The following ZSCAN5A variants were observed in gnomAD, a reference collection of about 807,000 sequenced individuals.
ZSCAN5A encodes zinc finger and SCAN domain containing 5A, also known as zinc finger and SCAN domain-containing protein 5A.
In ZSCAN5A, 12 loss-of-function variants were observed where a neutral mutation model predicts 23.7. The ratio of observed to expected loss-of-function variants is 0.51; its 90% CI spans 0.32 to 0.82. The LOEUF (loss-of-function observed/expected upper bound fraction) is 0.82, where lower values mean the gene tolerates loss of function less well. Among genes scored for constraint, ZSCAN5A ranks in the 40% least tolerant of loss-of-function variants. The pLI is 0.03. For missense variants in ZSCAN5A, 597 were observed against 617.9 expected (o/e 0.97, Z 0.36); for synonymous variants, 257 against 239.9 (o/e 1.07, Z -0.66).
Position 56,225,007 on chromosome 19 carries a change from A to T in ZSCAN5A, c.40T>A (p.Ser14Thr). The T allele has an allele frequency of 6.2e-7, 1 of 1,613,330 alleles. No homozygotes were observed. The highest frequency in any genetic ancestry group is 8.5e-7 in the Non-Finnish European group (1 of 1,179,574). Residue 14 changes from serine (S) to threonine (T), a missense_variant, in exon 3 of 6, where the codon TCC (serine) becomes ACC (threonine). Physicochemically the swap from Ser to Thr is moderately conservative, Grantham distance 58. Coordinates refer to ENST00000683990, the MANE Select transcript of ZSCAN5A (RefSeq NM_001322064.3). ...AGCTCCAACCCAGGTCTGTTGCAGG[A>T]TTCTCCTAGACTCCATGAGGATGTG... is the stretch of plus-strand genomic sequence containing the variant. ...NCTSSWSLGESCNRPGLELPR... is the reference protein window; with the variant it reads ...NCTSSWSLGETCNRPGLELPR...
At chr19:56,302,648 T>TC (rs201988390) in intron 2 of ZSCAN5A, among the ~76,000 whole-genome samples, 6 of 120,104 alleles carry the variant, frequency 5.0e-5, no homozygotes, top group South Asian at 3.5e-4. Flanking sequence ...TTCCTTTTCT[T>TC]CCCCCCCTCC....
Position 56,243,344 on chromosome 19 carries a change from G to C in ZSCAN5A, c.-127-18171C>G, listed in dbSNP as rs528298777. ...GCATGTCTTAGTGCCATGAAATTGT[G>C]CACTTCAAGATGGTAAAAATGATGA... is the stretch of plus-strand genomic sequence containing the variant. On this transcript the variant is annotated intron_variant, in intron 2 of 5. Coordinates refer to ENST00000683990, the MANE Select transcript of ZSCAN5A (RefSeq NM_001322064.3). Among the ~76,000 whole-genome samples the C allele has an allele frequency of 9.9e-5, 15 of 152,228 alleles. No individual in the cohort carries two copies. The South Asian group carries it at 2.9e-3, about 29-fold the overall frequency.
At chr19:56,321,229 G>A (rs1600280258) in intron 2 of ZSCAN5A, 1 of 670,918 alleles carries the variant, frequency 1.5e-6, no homozygotes, top group East Asian at 3.1e-5. Context: ...CTTGGATGGT[G>A]TGTAATATCA....
chr19:56,345,835 C>A (rs1226202168), intron 2 of ZSCAN5A, among the ~76,000 whole-genome samples: 1 of 152,168 alleles, frequency 6.6e-6, no homozygotes, highest in Non-Finnish European at 1.5e-5. Flanking sequence ...AAACTATACA[C>A]TTCTTTAAAA....
intron 2 of ZSCAN5A, among the ~76,000 whole-genome samples, chr19:56,301,520 A>C (rs1039584103): frequency 6.6e-6 from 1 of 151,738 alleles, no homozygotes; most frequent in African/African-American, 2.4e-5. Flanking sequence ...CTTTACCGCA[A>C]CCTGTTTTAT....
chr19:56,299,262 G>A (rs2040075624), intron 2 of ZSCAN5A, among the ~76,000 whole-genome samples: 1 of 151,808 alleles, frequency 6.6e-6, no homozygotes, highest in Non-Finnish European at 1.5e-5. Context: ...CCTCTGAGTA[G>A]CTGGGACCAC....
intron 4 of ZSCAN5A, 103 bp downstream of exon 4, chr19:56,223,528 A>C (rs1201599493): frequency 1.6e-6 from 2 of 1,224,426 alleles, no homozygotes; most frequent in African/African-American, 3.0e-5. Context: ...GAATGGCTCT[A>C]ATCTTGTCCT....
intron 2 of ZSCAN5A, among the ~76,000 whole-genome samples, chr19:56,227,604 G>T (rs556693694): frequency 1.3e-5 from 2 of 152,314 alleles, no homozygotes; most frequent in African/African-American, 2.4e-5. Flanking sequence ...AATAAAGGCA[G>T]ACACAGGAGT....
intron 2 of ZSCAN5A, among the ~76,000 whole-genome samples, chr19:56,328,070 G>A (rs370923162): frequency 2.8e-3 from 430 of 152,246 alleles, no homozygotes; most frequent in Non-Finnish European, 4.7e-3. Context: ...TTATGGTAGT[G>A]GTCATGTATG....
intron 2 of ZSCAN5A, among the ~76,000 whole-genome samples, chr19:56,359,725 C>G (rs1223960923): frequency 1.3e-5 from 2 of 152,162 alleles, no homozygotes; most frequent in Non-Finnish European, 2.9e-5. Context: ...AAAAGCTTAT[C>G]CACCATGAAC....
intron 2 of ZSCAN5A, among the ~76,000 whole-genome samples, chr19:56,334,774 G>GA (rs571651958): frequency 2.0e-5 from 3 of 152,014 alleles, no homozygotes; most frequent in East Asian, 3.9e-4. Flanking sequence ...ATTATTAAAA[G>GA]AAAAAAATAC....
Position 56,353,714 on chromosome 19 carries a change from A to G in ZSCAN5A, c.-358+9521T>C, listed in dbSNP as rs183749996. ...GGAGAATGGCATGAACCCGGGAGGC[A>G]GAGCTTGCAGTGAACCGAGATCGTG... On this transcript the variant is annotated intron_variant, in intron 2 of 6. Transcript: ENST00000587340. Among the ~76,000 whole-genome samples, 888 of 152,248 alleles carry G rather than the reference A, an allele frequency of 5.8e-3. 13 individuals are homozygous for G. Among genetic ancestry groups the G allele is most frequent in the African/African-American group, 0.02 (825 of 41,544 alleles).
At chr19:56,315,339 C>T (rs918674057), upstream of ZSCAN5A, 4 of 152,330 alleles carry the variant, frequency 2.6e-5, no homozygotes, top group Non-Finnish European at 5.9e-5. Flanking sequence ...GCCTGGGTCA[C>T]CCGGGCGGTG....
chr19:56,361,885 C>T (rs1361126282), intron 2 of ZSCAN5A, among the ~76,000 whole-genome samples: 6 of 152,022 alleles, frequency 3.9e-5, no homozygotes, highest in African/African-American at 7.3e-5. Context: ...AGGCAGGGTG[C>T]GGTGGCTCAC....
At chr19:56,309,729 G>T (rs1407769906) in intron 2 of ZSCAN5A, among the ~76,000 whole-genome samples, 2 of 152,200 alleles carry the variant, frequency 1.3e-5, no homozygotes, top group African/African-American at 2.4e-5. Flanking sequence ...GCTCCTGCGG[G>T]GCGCGCCCTC....
Position 56,222,278 on chromosome 19 carries a change from GA to G in ZSCAN5A, c.787del (p.Ser263LeufsTer30). Reference sequence around the variant, plus strand: ...TGTGTCAGCATCCACATTTTCCACAGAGGCTATTTTTGGGGGGTCCTTCCCC... The same window carrying G: ...TGTGTCAGCATCCACATTTTCCACAGGGCTATTTTTGGGGGGTCCTTCCCC... ...KEGKDPPKIA[S>X]VENVDADTPS... On this transcript the variant is annotated frameshift_variant, in exon 6 of 6. Coordinates refer to ENST00000683990, the MANE Select transcript of ZSCAN5A (RefSeq NM_001322064.3). LOFTEE classifies it low-confidence loss of function (END_TRUNC). The G allele has an allele frequency of 6.2e-7, 1 of 1,613,478 alleles. No homozygotes were observed.
chr19:56,301,834 G>A, intron 2 of ZSCAN5A: 1 of 1,069,972 alleles, frequency 9.3e-7, no homozygotes, highest in Non-Finnish European at 1.2e-6. Context: ...TGGTGGGTGT[G>A]GACCAAAATT....
At chr19:56,230,615 A>ATGTG (rs58270311) in intron 2 of ZSCAN5A, among the ~76,000 whole-genome samples, 10,318 of 147,220 alleles carry the variant, frequency 0.07, 374 homozygotes, top group South Asian at 0.13. Context: ...TTATTTCTTG[A>ATGTG]TGTGTGTGTG....
At chr19:56,298,195 G>A (rs2040003813) in intron 2 of ZSCAN5A, 2 of 152,108 alleles carry the variant, frequency 1.3e-5, no homozygotes, top group Admixed American at 1.3e-4. Context: ...TATTTGGAAG[G>A]AAGAAGAGAG....
Sources: allele counts gnomAD v4.1 joint callset (sites outside exome capture counted in the v4.1 genomes callset), GRCh38; gene constraint gnomAD v4.1.1; transcripts MANE v1.5; gene names NCBI Gene and HGNC (gene_info 2026-07-23, HGNC 2026-07-21).